CD8B2: variants seen among roughly 807,000 people sequenced by gnomAD.
CD8B2 encodes the protein T-cell surface glycoprotein CD8 beta-2 chain.
Under a neutral mutation model 23.7 loss-of-function variants are expected in CD8B2, and 11 were observed. That is an observed-to-expected ratio of 0.46 (90% confidence interval 0.29 to 0.77). CD8B2 has a LOEUF of 0.77. Among genes scored for constraint, CD8B2 ranks in the 30% least tolerant of loss-of-function variants. The pLI is 0.09. For missense variants in CD8B2, 197 were observed against 270.5 expected, an observed-to-expected ratio of 0.73 and a Z score of 1.91; for synonymous variants, 90 against 109.3, an observed-to-expected ratio of 0.82 and a Z score of 1.10.
chr2:106,488,637 C>T (rs921994783), intron 1 of CD8B2, among the ~76,000 whole-genome samples: 1 of 152,174 alleles, frequency 6.6e-6, no homozygotes, highest in African/African-American at 2.4e-5. Context: ...TTCAGTGGTT[C>T]AAAGTCAGGT....
downstream of CD8B2, among the ~76,000 whole-genome samples, chr2:106,511,660 C>G (rs1045325494): frequency 1.3e-5 from 2 of 152,078 alleles, no homozygotes; most frequent in African/African-American, 4.8e-5. Flanking sequence ...AAAGCTGATC[C>G]GAATCTACCA....
At chr2:106,531,166 A>G (rs1423199132) in intron 5 of CD8B2, among the ~76,000 whole-genome samples, 1 of 152,168 alleles carries the variant, frequency 6.6e-6, no homozygotes, top group East Asian at 1.9e-4. Flanking sequence ...CTGTAACAAC[A>G]TCTAAAGGAT....
At chr2:106,511,545 T>A (rs911674132), downstream of CD8B2, among the ~76,000 whole-genome samples, 5 of 134,800 alleles carry the variant, frequency 3.7e-5, no homozygotes, top group African/African-American at 1.1e-4. Context: ...ACCCCCTCCC[T>A]TTCATCCTTA....
At chr2:106,492,793 C>T (rs957501771) in intron 2 of CD8B2, among the ~76,000 whole-genome samples, 2 of 152,194 alleles carry the variant, frequency 1.3e-5, no homozygotes, top group Non-Finnish European at 2.9e-5. Context: ...AGTGATGCCC[C>T]GCCACCTCTT....
intron 5 of CD8B2, among the ~76,000 whole-genome samples, chr2:106,532,010 C>G (rs556957932): frequency 6.6e-6 from 1 of 152,242 alleles, no homozygotes; most frequent in Non-Finnish European, 1.5e-5. Flanking sequence ...AGTAACAGAT[C>G]TCCAGCCAGC....
intron 3 of CD8B2, among the ~76,000 whole-genome samples, chr2:106,497,264 C>T (rs1032498321): frequency 2.6e-5 from 4 of 152,090 alleles, no homozygotes; most frequent in African/African-American, 7.2e-5. Context: ...TAGAGCCAGG[C>T]CCTCTCTCAA....
chr2:106,489,062 G>A (rs886625648), intron 1 of CD8B2, among the ~76,000 whole-genome samples: 1 of 143,312 alleles, frequency 7.0e-6, no homozygotes, highest in Admixed American at 7.1e-5. Context: ...GAGTGCAGTG[G>A]CGCAATCTTG....
chr2:106,504,149 A>G (rs1679461727), intron 4 of CD8B2, 140 bp from the exon 5 acceptor site: 1 of 1,004,126 alleles, frequency 1.0e-6, no homozygotes. Context: ...TAAAATGTGT[A>G]AAGTGTTTGG....
chr2:106,490,183 G>A lies in CD8B2; in HGVS notation c.44-691G>A, dbSNP rs540958626. 5.3e-5 allele frequency among the ~76,000 whole-genome samples: 8 copies of A among 152,120 alleles called. No homozygotes were observed. In the East Asian group the frequency reaches 9.7e-4, roughly 18 times the overall value. ...TCCCAGCCTGTCCTGGGTCTCCTTC[G>A]GCAGTTTGGAGCCTACCGAAGGGCT... On this transcript the variant is annotated intron_variant, in intron 1 of 5. Transcript: ENST00000643224.
intron 2 of CD8B2, among the ~76,000 whole-genome samples, chr2:106,494,330 T>G (rs1447422479): frequency 4.6e-5 from 7 of 152,214 alleles, no homozygotes; most frequent in African/African-American, 1.7e-4. Flanking sequence ...GTATTTTTAG[T>G]AGAGACGGGG....
chr2:106,488,401 C>T (rs1558873471), intron 1 of CD8B2, among the ~76,000 whole-genome samples: 2 of 151,800 alleles, frequency 1.3e-5, no homozygotes, highest in African/African-American at 4.8e-5. Context: ...TGGCCACAGC[C>T]CGGAGTATTC....
In CD8B2 at chr2:106,502,545, G is replaced by A; in HGVS notation, c.565G>A (p.Val189Met). The change falls in exon 4 of 6, where the codon GTG becomes ATG. Residue 189 changes from valine (V) to methionine (M), a missense_variant. Coordinates refer to ENST00000643224, the MANE Select transcript of CD8B2 (RefSeq NM_001349727.2). ...GVLVLLVSLG[V>M]AMHLCCRRRR... ...CCTGGTTCTGCTGGTTTCCCTGGGA[G>A]TGGCCATGCACCTGTGCTGTGAGTT... 1.3e-6 allele frequency: 2 copies of A among 1,575,158 alleles called. No individual in the cohort carries two copies. Among genetic ancestry groups the A allele is most frequent in the Non-Finnish European group, 1.7e-6 (2 of 1,158,128 alleles).
At chr2:106,498,585 A>G (rs1242251312) in intron 3 of CD8B2, among the ~76,000 whole-genome samples, 1 of 152,076 alleles carries the variant, frequency 6.6e-6, no homozygotes, top group Non-Finnish European at 1.5e-5. Flanking sequence ...GGTGTGGGGA[A>G]AGTAGGTGGA....
At position 106,537,445 on chromosome 2, in the gene CD8B2, C is replaced by T. The variant is rs368954634; in HGVS notation, c.621-6547C>T. Among the ~76,000 whole-genome samples the T allele has an allele frequency of 3.5e-4, 53 of 152,252 alleles. 1 individual carries two copies. The South Asian group carries it at 1.0e-2, about 29-fold the overall frequency. Reference sequence around the variant, plus strand: ...AAATTATGGTTCAACGCCACCAAGACACGACATCTTAAAAACAGCTTATCT... The same window carrying T: ...AAATTATGGTTCAACGCCACCAAGATACGACATCTTAAAAACAGCTTATCT... On this transcript the variant is annotated intron_variant, in intron 5 of 5. Coordinates refer to the CD8B2 transcript ENST00000416057.
intron 5 of CD8B2, among the ~76,000 whole-genome samples, chr2:106,525,947 A>T (rs933992878): frequency 2.6e-5 from 4 of 152,102 alleles, no homozygotes; most frequent in East Asian, 1.9e-4. Flanking sequence ...CACTTTTTTT[A>T]AAAAAATTAC....
chr2:106,487,402 G>A lies in CD8B2; in HGVS notation c.-25G>A, dbSNP rs1280913885. 4.9e-6 allele frequency: 6 copies of A among 1,228,120 alleles called. No homozygotes were observed. Among genetic ancestry groups the A allele is most frequent in the Non-Finnish European group, 5.1e-6 (5 of 983,324 alleles). 76.1% of individuals were successfully genotyped at this position (1,228,120 alleles called of 1,614,324 possible). A position where few individuals can be genotyped will look rare whatever the true frequency, so the allele number is the denominator to read the frequency against. On this transcript the variant is annotated 5_prime_UTR_variant, in exon 1 of 6. Coordinates refer to ENST00000643224, the MANE Select transcript of CD8B2 (RefSeq NM_001349727.2). ...GCGACTGTCTCCGCCGAGCCCCCGGGGCCAGGTGTCCCGGGCGCGCCCCGA... is the reference window on the plus strand; with the variant it reads ...GCGACTGTCTCCGCCGAGCCCCCGGAGCCAGGTGTCCCGGGCGCGCCCCGA...
downstream of CD8B2, among the ~76,000 whole-genome samples, chr2:106,514,224 G>A (rs572883068): frequency 4.0e-5 from 6 of 151,140 alleles, no homozygotes; most frequent in South Asian, 1.0e-3. Context: ...TTCAGAGTGC[G>A]CCTGTGTGTG....
intron 2 of CD8B2, among the ~76,000 whole-genome samples, chr2:106,495,150 G>A (rs1439012526): frequency 6.6e-6 from 1 of 152,084 alleles, no homozygotes; most frequent in Non-Finnish European, 1.5e-5. Context: ...CCAAGAAGGA[G>A]GTGGCAGTTA....
chr2:106,503,155 G>A (rs935890877), intron 4 of CD8B2, among the ~76,000 whole-genome samples: 2 of 151,684 alleles, frequency 1.3e-5, no homozygotes, highest in Admixed American at 6.6e-5. Flanking sequence ...GAAAGACGGG[G>A]AGCCGGAGGG....
Sources: gnomAD v4.1 joint callset for allele counts (sites outside exome capture counted in the v4.1 genomes callset) on GRCh38, gnomAD v4.1.1 for gene constraint, MANE v1.5 for transcripts, NCBI Gene and HGNC (gene_info 2026-07-23, HGNC 2026-07-21) for gene names.